INPP4B: variants seen among roughly 807,000 people sequenced by gnomAD.
INPP4B encodes inositol polyphosphate 4-phosphatase type II.
In INPP4B, 55 loss-of-function variants were observed where a neutral mutation model predicts 122.5. The observed-to-expected ratio is 0.45, with a 90% CI of 0.36 to 0.56. The LOEUF is 0.56. Ranked by LOEUF, INPP4B falls within the 20% of genes least tolerant of loss-of-function variation. The pLI is 0.00. For synonymous variants in INPP4B, 403 were observed against 388.7 expected (o/e 1.04, Z -0.43); for missense variants, 1,000 against 1,097.7 (o/e 0.91, Z 1.26).
chr4:142,477,384 C>A (rs72946839), intron 2 of INPP4B, among the ~76,000 whole-genome samples: 8,087 of 151,506 alleles, frequency 0.053, 253 homozygotes, highest in East Asian at 0.12. Context: ...CCTAGAGGAA[C>A]TAGAGAAATA....
intron 17 of INPP4B, among the ~76,000 whole-genome samples, chr4:142,149,133 C>G (rs565020863): frequency 6.6e-6 from 1 of 152,090 alleles, no homozygotes; most frequent in African/African-American, 2.4e-5. Context: ...ACTAAAGGTA[C>G]TGATGTGTGT....
At chr4:142,415,785 A>G (rs1805601942) in intron 5 of INPP4B, among the ~76,000 whole-genome samples, 1 of 152,214 alleles carries the variant, frequency 6.6e-6, no homozygotes, top group Non-Finnish European at 1.5e-5. Context: ...TGGATTAAGA[A>G]AATGTGGCAC....
chr4:142,238,035 T>C, intron 11 of INPP4B, 24 bp from the exon 12 acceptor site: 1 of 1,291,986 alleles, frequency 7.7e-7, no homozygotes, highest in Non-Finnish European at 1.1e-6. Context: ...GAAAAAATAA[T>C]AGTTAAATTC....
intron 2 of INPP4B, among the ~76,000 whole-genome samples, chr4:142,532,067 G>A (rs1311446078): frequency 1.3e-5 from 2 of 152,118 alleles, no homozygotes; most frequent in African/African-American, 4.8e-5. Context: ...ATTGATTTCT[G>A]CATTCACTTT....
intron 25 of INPP4B, among the ~76,000 whole-genome samples, chr4:142,062,855 A>T (rs1195576255): frequency 6.6e-6 from 1 of 152,198 alleles, no homozygotes; most frequent in African/African-American, 2.4e-5. Context: ...ACCAGAAGAT[A>T]CCTAGTTTGC....
At chr4:142,331,046 GATA>G (rs1230381685) in intron 7 of INPP4B, among the ~76,000 whole-genome samples, 2 of 152,122 alleles carry the variant, frequency 1.3e-5, no homozygotes, top group African/African-American at 4.8e-5. Flanking sequence ...AACATTTTCA[GATA>G]ATGTTGCTCT....
chr4:142,266,164 A>G (rs979338143), intron 10 of INPP4B, among the ~76,000 whole-genome samples: 1 of 152,172 alleles, frequency 6.6e-6, no homozygotes, highest in African/African-American at 2.4e-5. Flanking sequence ...GCAAGTGTTC[A>G]TGTGATAGTG....
intron 7 of INPP4B, among the ~76,000 whole-genome samples, chr4:142,398,142 G>A (rs888017771): frequency 1.3e-5 from 2 of 151,210 alleles, no homozygotes; most frequent in African/African-American, 2.4e-5. Flanking sequence ...TGGGGAGGCC[G>A]AGGCCGGCGG....
chr4:142,500,454 C>A, intron 2 of INPP4B, among the ~76,000 whole-genome samples: 1 of 152,178 alleles, frequency 6.6e-6, no homozygotes, highest in East Asian at 1.9e-4. Flanking sequence ...TCTCTTTTAG[C>A]TTCTTGCTAG....
At chr4:142,278,277 T>C (rs1317109284) in intron 9 of INPP4B, among the ~76,000 whole-genome samples, 1 of 151,734 alleles carries the variant, frequency 6.6e-6, no homozygotes, top group Non-Finnish European at 1.5e-5. Flanking sequence ...CAGCAGTGAG[T>C]TTACCATTTC....
At chr4:142,218,036 TTGTGTGTG>T (rs4054980) in intron 12 of INPP4B, among the ~76,000 whole-genome samples, 5 of 149,148 alleles carry the variant, frequency 3.4e-5, no homozygotes, top group African/African-American at 1.2e-4. Flanking sequence ...TTCTAATAAA[TTGTGTGTG>T]TGTGTGTGTG....
At chr4:142,344,652 A>G (rs1779747951) in intron 7 of INPP4B, among the ~76,000 whole-genome samples, 1 of 152,028 alleles carries the variant, frequency 6.6e-6, no homozygotes, top group African/African-American at 2.4e-5. Flanking sequence ...TTTCTTTAAA[A>G]TGTAAAGGTA....
intron 25 of INPP4B, among the ~76,000 whole-genome samples, chr4:142,031,899 T>G (rs1465886253): frequency 1.3e-5 from 2 of 152,164 alleles, no homozygotes; most frequent in Non-Finnish European, 2.9e-5. Flanking sequence ...ATACATCAGA[T>G]AGAGATTTCA....
chr4:142,423,186 G>A (rs72724573), intron 5 of INPP4B, among the ~76,000 whole-genome samples: 32,453 of 151,864 alleles, frequency 0.21, 4,463 homozygotes, highest in Middle Eastern at 0.31. Flanking sequence ...TCATAAGTTG[G>A]GCCTCTTATG....
chr4:142,481,873 A>C (rs996825618), intron 2 of INPP4B, among the ~76,000 whole-genome samples: 16 of 152,296 alleles, frequency 1.1e-4, no homozygotes, highest in African/African-American at 3.8e-4. Context: ...TTAATAAGGA[A>C]CTGGACTTCT....
intron 2 of INPP4B, among the ~76,000 whole-genome samples, chr4:142,585,828 A>G (rs1365309365): frequency 6.8e-6 from 1 of 146,672 alleles, no homozygotes; most frequent in African/African-American, 2.5e-5. Context: ...TATCCTCAAA[A>G]AAAATTACAC....
chr4:142,673,861 G>A (rs893185109), intron 2 of INPP4B, among the ~76,000 whole-genome samples: 1 of 152,096 alleles, frequency 6.6e-6, no homozygotes, highest in African/African-American at 2.4e-5. Context: ...CAATTACTAT[G>A]TAAAGCAAGT....
chr4:142,638,607 G>T, intron 2 of INPP4B, among the ~76,000 whole-genome samples: 1 of 144,546 alleles, frequency 6.9e-6, no homozygotes, highest in East Asian at 2.1e-4. Context: ...GCAGTGGCAT[G>T]ATCTTGGCTC....
intron 1 of INPP4B, among the ~76,000 whole-genome samples, chr4:142,752,520 G>C (rs929568219): frequency 6.6e-6 from 1 of 152,042 alleles, no homozygotes; most frequent in Non-Finnish European, 1.5e-5. Flanking sequence ...CTGGTTGCTG[G>C]AGGAGAAGAG....
Sources: gnomAD v4.1 joint callset for allele counts (sites outside exome capture counted in the v4.1 genomes callset) on GRCh38, gnomAD v4.1.1 for gene constraint, MANE v1.5 for transcripts, NCBI Gene and HGNC (gene_info 2026-07-23, HGNC 2026-07-21) for gene names.